Variants in SRGN observed in about 807,000 individuals in gnomAD.
SRGN encodes the protein hematopoetic proteoglycan core peptide.
Under a neutral mutation model 9.5 loss-of-function variants are expected in SRGN, and 2 were observed. The observed-to-expected ratio is 0.21, with a 90% CI of 0.09 to 0.66. SRGN has a LOEUF of 0.66. SRGN is among the 30% of genes least tolerant of loss of function. The pLI, the probability that SRGN is intolerant of heterozygous loss-of-function variation, is 0.83. For synonymous variants in SRGN, 59 were observed against 72.3 expected (o/e 0.82, Z 0.93); for missense variants, 170 against 192.4 (o/e 0.88, Z 0.69).
At chr10:69,090,282 T>C (rs571206662) in intron 1 of SRGN, among the ~76,000 whole-genome samples, 1 of 152,342 alleles carries the variant, frequency 6.6e-6, no homozygotes, top group Admixed American at 6.5e-5. Context: ...AAAGTGTTTA[T>C]CTAGCCCGTT....
chr10:69,091,910 AAAAAG>A (rs1333476611), intron 1 of SRGN, among the ~76,000 whole-genome samples: 3 of 79,428 alleles, frequency 3.8e-5, no homozygotes, highest in Non-Finnish European at 6.7e-5. Context: ...AAAAAAAAAG[AAAAAG>A]AAAAGAAAAG....
intron 2 of SRGN, among the ~76,000 whole-genome samples, chr10:69,099,316 T>TG (rs1305265811): frequency 6.6e-6 from 1 of 151,090 alleles, no homozygotes; most frequent in Non-Finnish European, 1.5e-5. Context: ...TTTGTTTTTT[T>TG]TTTTTTTTGA....
At chr10:69,102,285 C>T (rs1390471307) in intron 2 of SRGN, among the ~76,000 whole-genome samples, 2 of 152,150 alleles carry the variant, frequency 1.3e-5, no homozygotes, top group African/African-American at 4.8e-5. Context: ...ATTCTAGCTC[C>T]GACACCCCAG....
chr10:69,095,215 G>C (rs548612686), intron 1 of SRGN, among the ~76,000 whole-genome samples: 2 of 151,458 alleles, frequency 1.3e-5, no homozygotes, highest in East Asian at 3.9e-4. Flanking sequence ...GGCTGAGGCA[G>C]GAGAATCGCT....
upstream of SRGN, among the ~76,000 whole-genome samples, chr10:69,087,663 A>ATGT (rs1169626411): frequency 6.6e-6 from 1 of 151,870 alleles, no homozygotes; most frequent in African/African-American, 2.4e-5. Flanking sequence ...TCAGTGAGGT[A>ATGT]TGTTACTCCC....
At chr10:69,097,020 T>G (rs775628201) in intron 1 of SRGN, 64 bp from the exon 2 acceptor site, 15 of 1,552,172 alleles carry the variant, frequency 9.7e-6, no homozygotes, top group Non-Finnish European at 1.1e-5. Context: ...TAAAAACTTC[T>G]TAGGACAGAG....
intron 1 of SRGN, among the ~76,000 whole-genome samples, chr10:69,088,607 C>A (rs575521815): frequency 6.8e-4 from 103 of 152,178 alleles, no homozygotes; most frequent in African/African-American, 2.4e-3. Context: ...CCCTAAGTGT[C>A]TACATCAGCC....
rs1334133744 is a variant in SRGN, at chr10:69,103,897, G to GT, written c.255dup (p.Ile86TyrfsTer6). ...AAGACGAGAATCCAGGACTTGAATC[G>GT]TATCTTCCCACTTTCTGAGGACTAC... On this transcript the variant is annotated frameshift_variant, in exon 3 of 3. Coordinates refer to ENST00000242465, the MANE Select transcript of SRGN (RefSeq NM_002727.4). LOFTEE classifies it low-confidence loss of function (END_TRUNC). 1 of 1,613,634 alleles carries GT rather than the reference G, an allele frequency of 6.2e-7. No individual in the cohort carries two copies. Among genetic ancestry groups the GT allele is most frequent in the African/African-American group, 1.3e-5 (1 of 74,822 alleles).
At chr10:69,101,817 C>T (rs1840297841) in intron 2 of SRGN, among the ~76,000 whole-genome samples, 1 of 152,168 alleles carries the variant, frequency 6.6e-6, no homozygotes, top group Non-Finnish European at 1.5e-5. Flanking sequence ...GAGGCCAAGG[C>T]AGGAGGATCA....
At chr10:69,093,168 C>T (rs1454926122) in intron 1 of SRGN, among the ~76,000 whole-genome samples, 2 of 152,162 alleles carry the variant, frequency 1.3e-5, no homozygotes, top group South Asian at 2.1e-4. Context: ...AGCCACAAGT[C>T]ACTTGTGGCT....
chr10:69,093,897 A>G (rs913281479), intron 1 of SRGN, among the ~76,000 whole-genome samples: 1 of 152,138 alleles, frequency 6.6e-6, no homozygotes, highest in African/African-American at 2.4e-5. Flanking sequence ...GAAAAGAAAG[A>G]AAGTCCATAA....
At chr10:69,093,028 T>C (rs1243093671) in intron 1 of SRGN, among the ~76,000 whole-genome samples, 1 of 152,200 alleles carries the variant, frequency 6.6e-6, no homozygotes, top group Admixed American at 6.5e-5. Flanking sequence ...GTCTTTCACC[T>C]GGATGCTTTC....
At position 69,097,683 on chromosome 10, in the gene SRGN, T is replaced by A. The variant is rs1476152399; in HGVS notation, c.227+452T>A. ...ACCTAGTGATCCGCCCGCCTTGACC[T>A]CCCAAAATGCTGGGATTACAGGCGT... On this transcript the variant is annotated intron_variant, in intron 2 of 2. Transcript: ENST00000242465. 2.0e-5 allele frequency among the ~76,000 whole-genome samples: 3 copies of A among 152,108 alleles called. No individual in the cohort carries two copies. In the East Asian group the frequency reaches 5.8e-4, roughly 29 times the overall value.
intron 2 of SRGN, 61 bp downstream of exon 2, chr10:69,097,292 C>A: frequency 6.9e-7 from 1 of 1,454,594 alleles, no homozygotes; most frequent in Non-Finnish European, 9.5e-7. Flanking sequence ...CGGAGTTTCA[C>A]TTTTCTTGCC....
Position 69,091,749 on chromosome 10 carries a change from A to G in SRGN, c.79+3513A>G, listed in dbSNP as rs1351121908. Among the ~76,000 whole-genome samples the G allele has an allele frequency of 7.2e-5, 11 of 151,732 alleles. No individual in the cohort carries two copies. In the South Asian group the frequency reaches 2.3e-3, roughly 32 times the overall value. Reference sequence around the variant, plus strand: ...ACAAAAATTAGCCAGGCATAGTGGCATGCACCTGTAATCCCAGCTACTCGA... The same window carrying G: ...ACAAAAATTAGCCAGGCATAGTGGCGTGCACCTGTAATCCCAGCTACTCGA... On this transcript the variant is annotated intron_variant, in intron 1 of 2. Coordinates refer to ENST00000242465, the MANE Select transcript of SRGN (RefSeq NM_002727.4).
chr10:69,092,184 C>G (rs1478137478), intron 1 of SRGN, among the ~76,000 whole-genome samples: 1 of 152,040 alleles, frequency 6.6e-6, no homozygotes, highest in African/African-American at 2.4e-5. Context: ...AGGAAGATAA[C>G]ATTTCTATCC....
chr10:69,090,948 A>G (rs956953593), intron 1 of SRGN, among the ~76,000 whole-genome samples: 5 of 152,196 alleles, frequency 3.3e-5, no homozygotes, highest in Non-Finnish European at 7.3e-5. Flanking sequence ...TGGAATATCC[A>G]TGAACAGGTG....
upstream of SRGN, chr10:69,087,978 C>G (rs1157628868): frequency 4.9e-6 from 3 of 613,636 alleles, no homozygotes; most frequent in African/African-American, 3.7e-5. Context: ...GTGTTCCCCC[C>G]ACCCCCTTTC....
chr10:69,089,051 A>G (rs755067783), intron 1 of SRGN, among the ~76,000 whole-genome samples: 12 of 152,248 alleles, frequency 7.9e-5, no homozygotes, highest in Admixed American at 6.5e-5. Flanking sequence ...GGCTGAACCT[A>G]TAGTAGAAAA....
Sources: allele counts gnomAD v4.1 joint callset (sites outside exome capture counted in the v4.1 genomes callset), GRCh38; gene constraint gnomAD v4.1.1; transcripts MANE v1.5; gene names NCBI Gene and HGNC (gene_info 2026-07-23, HGNC 2026-07-21).